LRRC7: variants seen among roughly 807,000 people sequenced by gnomAD.
LRRC7 encodes the protein leucine rich repeat containing 7.
LRRC7 carries 23 observed loss-of-function variants against 175.7 expected under a neutral mutation model. The ratio of observed to expected loss-of-function variants is 0.13; its 90% CI spans 0.09 to 0.19. The LOEUF is 0.19. Among genes scored for constraint, LRRC7 ranks in the 10% least tolerant of loss-of-function variants. LRRC7 has a pLI of 1.00. For missense variants in LRRC7, 1,354 were observed against 1,904.7 expected, an observed-to-expected ratio of 0.71 and a Z score of 5.38; for synonymous variants, 685 against 680.9, an observed-to-expected ratio of 1.01 and a Z score of -0.09.
intron 10 of LRRC7, among the ~76,000 whole-genome samples, chr1:69,989,012 A>G (rs1265870960): frequency 2.6e-5 from 4 of 152,230 alleles, no homozygotes; most frequent in Non-Finnish European, 4.4e-5. Context: ...ACCAATATGA[A>G]AACTATTTTA....
At chr1:69,866,201 C>A (rs1388337584) in intron 7 of LRRC7, among the ~76,000 whole-genome samples, 1 of 152,046 alleles carries the variant, frequency 6.6e-6, no homozygotes. Flanking sequence ...AATCACTGCA[C>A]CTGAAAAGAA....
chr1:69,975,554 T>A (rs548190205), intron 8 of LRRC7, among the ~76,000 whole-genome samples: 3 of 152,284 alleles, frequency 2.0e-5, no homozygotes, highest in African/African-American at 7.2e-5. Flanking sequence ...AAAAAAGTTA[T>A]AATTGTTATC....
At chr1:69,621,090 G>T (rs1650498153) in intron 1 of LRRC7, among the ~76,000 whole-genome samples, 1 of 150,950 alleles carries the variant, frequency 6.6e-6, no homozygotes, top group Non-Finnish European at 1.5e-5. Context: ...TGTTGCCCAG[G>T]CTGGAGTGCA....
chr1:69,836,879 C>CA (rs200623992), intron 6 of LRRC7, among the ~76,000 whole-genome samples: 598 of 122,690 alleles, frequency 4.9e-3, no homozygotes, highest in East Asian at 0.014. Context: ...TGATAGGAGG[C>CA]AAAAAAAAAA....
intron 8 of LRRC7, among the ~76,000 whole-genome samples, chr1:69,939,035 A>ATATATATATC (rs1553178500): frequency 1.3e-4 from 13 of 97,628 alleles, no homozygotes; most frequent in African/African-American, 4.3e-4. Flanking sequence ...ATATATCTAT[A>ATATATATATC]TATATCTATA....
chr1:69,909,379 A>G (rs1646441135), intron 7 of LRRC7, among the ~76,000 whole-genome samples: 1 of 151,980 alleles, frequency 6.6e-6, no homozygotes, highest in Non-Finnish European at 1.5e-5. Flanking sequence ...TGGTCTTTAC[A>G]TTTTGGCATG....
At chr1:69,801,622 C>T (rs1249304337) in intron 4 of LRRC7, among the ~76,000 whole-genome samples, 1 of 151,578 alleles carries the variant, frequency 6.6e-6, no homozygotes, top group East Asian at 1.9e-4. Flanking sequence ...CTTGATTAGT[C>T]TAGCTCGTAG....
intron 4 of LRRC7, among the ~76,000 whole-genome samples, chr1:69,794,353 T>C (rs1376279363): frequency 6.6e-6 from 1 of 152,194 alleles, no homozygotes; most frequent in Non-Finnish European, 1.5e-5. Context: ...CAGACCTCTT[T>C]CTACACCAAC....
intron 2 of LRRC7, among the ~76,000 whole-genome samples, chr1:69,729,113 G>A (rs1054121212): frequency 3.3e-5 from 5 of 152,188 alleles, no homozygotes; most frequent in East Asian, 1.9e-4. Flanking sequence ...GGGGGTAACC[G>A]CCCTCATGAT....
At position 70,133,122 on chromosome 1, in the gene LRRC7, C is replaced by T. The variant is rs1666741478; in HGVS notation, c.*11235C>T. Among the ~76,000 whole-genome samples, 2 of 152,116 alleles carry T rather than the reference C, an allele frequency of 1.3e-5. No individual in the cohort carries two copies. Among genetic ancestry groups the T allele is most frequent in the Non-Finnish European group, 2.9e-5 (2 of 68,042 alleles). On this transcript the variant is annotated 3_prime_UTR_variant, in exon 27 of 27. Transcript: ENST00000651989. ...ACATGTGTCTGCAGTTCAGAAGAGC[C>T]ACCACTAGATGGAGACCTCATATCT...
chr1:69,901,653 T>C (rs1310790409), intron 7 of LRRC7, among the ~76,000 whole-genome samples: 1 of 152,136 alleles, frequency 6.6e-6, no homozygotes, highest in Non-Finnish European at 1.5e-5. Context: ...TAACTATCTC[T>C]TCCTTGGCCA....
intron 2 of LRRC7, among the ~76,000 whole-genome samples, chr1:69,755,512 A>T (rs1215390204): frequency 1.3e-5 from 2 of 150,282 alleles, no homozygotes; most frequent in Non-Finnish European, 3.0e-5. Context: ...ATATATTTAT[A>T]TAAATGCAAT....
At position 69,827,048 on chromosome 1, in the gene LRRC7, A is replaced by T. The variant is rs563845109; in HGVS notation, c.500+1222A>T. On this transcript the variant is annotated intron_variant, in intron 5 of 26. Transcript: ENST00000651989. The stretch of plus-strand genomic sequence containing the variant: ...GCAACAAAATGTGTTTAAAAATTAC[A>T]GTTTTTCTTCCTGAAAAGTAAATAG... Among the ~76,000 whole-genome samples the T allele has an allele frequency of 8.3e-4, 127 of 152,282 alleles. 1 individual carries two copies. Among genetic ancestry groups the T allele is most frequent in the Non-Finnish European group, 1.5e-3 (104 of 68,018 alleles).
At chr1:69,599,784 A>C (rs115189203) in intron 1 of LRRC7, among the ~76,000 whole-genome samples, 1,668 of 152,242 alleles carry the variant, frequency 0.011, 33 homozygotes, top group African/African-American at 0.038. Context: ...GGGAAGGATA[A>C]ATCTATTTTC....
chr1:70,023,499 G>C (rs1187142261), intron 17 of LRRC7, 125 bp downstream of exon 17: 1 of 1,043,180 alleles, frequency 9.6e-7, no homozygotes, highest in Non-Finnish European at 1.3e-6. Context: ...CCTTCAAATT[G>C]CCAGTGTTTT....
intron 11 of LRRC7, among the ~76,000 whole-genome samples, chr1:70,007,160 A>T (rs981351589): frequency 2.0e-5 from 3 of 152,154 alleles, no homozygotes; most frequent in African/African-American, 7.2e-5. Context: ...TCTAATCACA[A>T]GGTGGTTCCC....
intron 21 of LRRC7, among the ~76,000 whole-genome samples, chr1:70,041,187 T>C (rs1311134451): frequency 6.6e-6 from 1 of 152,224 alleles, no homozygotes; most frequent in Non-Finnish European, 1.5e-5. Context: ...GGTGTCCTGC[T>C]AAAAGCACAG....
chr1:69,930,129 G>T (rs572588188), intron 7 of LRRC7, among the ~76,000 whole-genome samples: 2 of 151,918 alleles, frequency 1.3e-5, no homozygotes, highest in South Asian at 2.1e-4. Flanking sequence ...CTTTTAATAT[G>T]TTATTTTATT....
intron 2 of LRRC7, among the ~76,000 whole-genome samples, chr1:69,721,009 T>C (rs922924100): frequency 4.0e-5 from 6 of 151,836 alleles, no homozygotes; most frequent in Admixed American, 2.6e-4. Context: ...TACAGACTAA[T>C]GTATCCTTTC....
Sources: allele counts gnomAD v4.1 joint callset (sites outside exome capture counted in the v4.1 genomes callset), GRCh38; gene constraint gnomAD v4.1.1; transcripts MANE v1.5; gene names NCBI Gene and HGNC (gene_info 2026-07-23, HGNC 2026-07-21).